Variants in SLC44A3 observed in about 807,000 individuals in gnomAD.
SLC44A3 encodes solute carrier family 44 member 3, also known as choline transporter-like protein 3.
In SLC44A3, 74 loss-of-function variants were observed where a neutral mutation model predicts 75.4. The ratio of observed to expected loss-of-function variants is 0.98; its 90% confidence interval spans 0.81 to 1.19. The LOEUF (loss-of-function observed/expected upper bound fraction) is 1.19. SLC44A3 is among the 50% of genes most tolerant of loss of function. The pLI is 0.00. For missense variants in SLC44A3, 700 were observed against 778.6 expected (o/e 0.90, Z 1.20); for synonymous variants, 310 against 296.9 (o/e 1.04, Z -0.45).
In SLC44A3 at chr1:94,837,817, A is replaced by G. The variant is rs1348915747; in HGVS notation, c.616A>G (p.Ser206Gly). The change falls in exon 6 of 15, where the codon AGT becomes GGT. Residue 206 changes from serine to glycine, a missense_variant. Coordinates refer to ENST00000271227, the MANE Select transcript of SLC44A3 (RefSeq NM_001114106.3). ...NDVDTLHRIL[S>G]GIMSGRDTIL... ...TGTTGACACCCTCCACCGAATTCTA[A>G]GTGGAATCATGTCGGGAAGAGATAC... is the stretch of plus-strand genomic sequence containing the variant. 1 of 1,612,688 alleles carries G rather than the reference A, an allele frequency of 6.2e-7. No homozygotes were observed. Among genetic ancestry groups the G allele is most frequent in the Non-Finnish European group, 8.5e-7 (1 of 1,179,634 alleles).
intron 10 of SLC44A3, among the ~76,000 whole-genome samples, chr1:94,863,016 G>T (rs1319768346): frequency 6.6e-6 from 1 of 152,126 alleles, no homozygotes; most frequent in Admixed American, 6.6e-5. Flanking sequence ...TTTGAACATG[G>T]AAATGAGTCT....
chr1:94,884,480 C>A (rs1187002622), intron 12 of SLC44A3, among the ~76,000 whole-genome samples: 1 of 152,034 alleles, frequency 6.6e-6, no homozygotes, highest in African/African-American at 2.4e-5. Flanking sequence ...TTTTTCAGTT[C>A]TGAGGAAAGT....
intron 7 of SLC44A3, among the ~76,000 whole-genome samples, chr1:94,841,669 C>G (rs1470076545): frequency 1.3e-5 from 2 of 152,164 alleles, no homozygotes; most frequent in Admixed American, 1.3e-4. Flanking sequence ...CTGGCATTGT[C>G]CCTCTCACCA....
intron 12 of SLC44A3, among the ~76,000 whole-genome samples, chr1:94,878,314 C>T (rs1008433556): frequency 5.3e-5 from 8 of 152,044 alleles, no homozygotes; most frequent in African/African-American, 7.2e-5. Context: ...GGCTCCTGAC[C>T]TCGCTTAGTG....
At chr1:94,865,865 T>G (rs1667114515) in intron 11 of SLC44A3, among the ~76,000 whole-genome samples, 1 of 152,244 alleles carries the variant, frequency 6.6e-6, no homozygotes, top group Non-Finnish European at 1.5e-5. Context: ...GATATCTGAA[T>G]TGTTGATATT....
At chr1:94,884,379 G>A (rs1669335263) in intron 12 of SLC44A3, among the ~76,000 whole-genome samples, 1 of 152,236 alleles carries the variant, frequency 6.6e-6, no homozygotes, top group Non-Finnish European at 1.5e-5. Flanking sequence ...GATGAAACTG[G>A]TCTGGGACGG....
intron 11 of SLC44A3, among the ~76,000 whole-genome samples, chr1:94,866,305 A>G (rs1482323877): frequency 6.6e-6 from 1 of 152,222 alleles, no homozygotes; most frequent in Non-Finnish European, 1.5e-5. Context: ...TCATAAATCT[A>G]AAAGAGAAGG....
At chr1:94,855,886 C>T (rs1665808712) in intron 9 of SLC44A3, among the ~76,000 whole-genome samples, 2 of 152,168 alleles carry the variant, frequency 1.3e-5, no homozygotes, top group South Asian at 2.1e-4. Flanking sequence ...CACCAAAGAC[C>T]AGAGCATGCA....
chr1:94,856,138 G>A (rs2101243464), intron 9 of SLC44A3, among the ~76,000 whole-genome samples: 1 of 152,268 alleles, frequency 6.6e-6, no homozygotes, highest in South Asian at 2.1e-4. Context: ...TGACCTTGCT[G>A]GCCTCAGTTG....
chr1:94,843,878 TG>T (rs1239277453), intron 8 of SLC44A3, among the ~76,000 whole-genome samples: 55 of 28,716 alleles, frequency 1.9e-3, no homozygotes, highest in South Asian at 0.01. Flanking sequence ...TGGGGCGGGG[TG>T]GGGGGGGTGG....
At chr1:94,826,090 G>A (rs182820540) in intron 3 of SLC44A3, 1 of 349,070 alleles carries the variant, frequency 2.9e-6, no homozygotes, top group Non-Finnish European at 5.7e-6. Context: ...CTACAACAGG[G>A]ATGAACCCTG....
At position 94,894,345 on chromosome 1, in the gene SLC44A3, C is replaced by T. The variant is rs975989207; in HGVS notation, c.1858-473C>T. On this transcript the variant is annotated intron_variant, in intron 14 of 14. Coordinates refer to ENST00000271227, the MANE Select transcript of SLC44A3 (RefSeq NM_001114106.3). ...GAAGCTGTCATCTGAATGAAATCCC[C>T]TTATCTGCCTAAAGTCCAGACCCAC... Among the ~76,000 whole-genome samples, 94 of 152,166 alleles carry T rather than the reference C, an allele frequency of 6.2e-4. 1 individual carries two copies. Among genetic ancestry groups the T allele is most frequent in the South Asian group, 4.1e-4 (2 of 4,834 alleles).
chr1:94,842,135 C>A lies in SLC44A3; in HGVS notation c.885+11C>A. The A allele has an allele frequency of 6.3e-7, 1 of 1,596,716 alleles. No homozygotes were observed. The highest frequency in any genetic ancestry group is 8.5e-7 in the Non-Finnish European group (1 of 1,172,992). ...TCCACAGGCATCACGGTAAGAAATG[C>A]TCTTCTAGCAGTAGGTCAGGTAGCC... On this transcript the variant is annotated intron_variant, in intron 8 of 14. Coordinates refer to ENST00000271227, the MANE Select transcript of SLC44A3 (RefSeq NM_001114106.3).
chr1:94,857,559 G>A, intron 10 of SLC44A3, 59 bp downstream of exon 10: 2 of 1,464,998 alleles, frequency 1.4e-6, no homozygotes, highest in Non-Finnish European at 1.8e-6. Context: ...TGTGCTTCAT[G>A]TTAATATCTC....
At chr1:94,883,513 GCAAA>G (rs1049864728) in intron 12 of SLC44A3, among the ~76,000 whole-genome samples, 2 of 152,058 alleles carry the variant, frequency 1.3e-5, no homozygotes, top group East Asian at 1.9e-4. Context: ...TTCAAACAAA[GCAAA>G]CAAACAAAGA....
Position 94,837,692 on chromosome 1 carries a change from T to C in SLC44A3, c.510-19T>C. The C allele has an allele frequency of 1.3e-6, 2 of 1,537,294 alleles. No individual in the cohort carries two copies. The highest frequency in any genetic ancestry group is 1.3e-5 in the South Asian group (1 of 79,850). On this transcript the variant is annotated intron_variant, in intron 5 of 14. Transcript: ENST00000271227. ...ATGTTAAATAAACATTTTTGCCATC[T>C]TTTTTTCTCTATTTTTAGCAAGTCA...
intron 5 of SLC44A3, 123 bp downstream of exon 5, chr1:94,828,709 CT>C: frequency 1.3e-6 from 1 of 790,862 alleles, no homozygotes; most frequent in Non-Finnish European, 2.0e-6. Context: ...CTGCAGGGAG[CT>C]TACAGTCTAC....
rs544346853 is a variant in SLC44A3 at position 94,862,377 on chromosome 1, G to C, written c.1239-2366G>C. 5.9e-5 allele frequency among the ~76,000 whole-genome samples: 9 copies of C among 152,318 alleles called. No homozygotes were observed. The South Asian group carries it at 1.9e-3, about 32-fold the overall frequency. On this transcript the variant is annotated intron_variant, in intron 10 of 14. Transcript: ENST00000271227. Reference sequence around the variant, plus strand: ...CTGGATCTAACTAGAGCCAAAGCTTGTCTCTAGGACCATGATGCGGCTTGC... The same window carrying C: ...CTGGATCTAACTAGAGCCAAAGCTTCTCTCTAGGACCATGATGCGGCTTGC...
chr1:94,824,393 C>T (rs574715258), intron 2 of SLC44A3, 100 bp from the exon 3 acceptor site: 23 of 1,397,496 alleles, frequency 1.6e-5, no homozygotes, highest in Middle Eastern at 5.3e-4. Flanking sequence ...GAGAGCTTCA[C>T]GTTCCACCAG....
Sources: allele counts gnomAD v4.1 joint callset (sites outside exome capture counted in the v4.1 genomes callset), GRCh38; gene constraint gnomAD v4.1.1; transcripts MANE v1.5; gene names NCBI Gene and HGNC (gene_info 2026-07-23, HGNC 2026-07-21).